NUP214: variants seen among roughly 807,000 people sequenced by gnomAD.
The protein encoded by NUP214 is nucleoporin 214.
In NUP214, 79 loss-of-function variants were observed where a neutral mutation model predicts 196.2. The observed-to-expected ratio is 0.40, with a 90% CI of 0.34 to 0.49. NUP214 has a LOEUF of 0.49. Ranked by LOEUF, NUP214 falls within the 20% of genes least tolerant of loss-of-function variation. The pLI is 0.58. For synonymous variants in NUP214, 1,020 were observed against 990.5 expected (o/e 1.03, Z -0.56); for missense variants, 2,468 against 2,539.0 (o/e 0.97, Z 0.60).
In NUP214 at chr9:131,197,763, G is replaced by A. The variant is rs752083594; in HGVS notation, c.4269G>A (p.Gly1423=). Residue 1423 remains glycine, a synonymous_variant, in exon 29 of 36, where the codon GGG becomes GGA. Coordinates refer to ENST00000359428, the MANE Select transcript of NUP214 (RefSeq NM_005085.4). ...SLPVTSAGSS[G]VISFGGTSLS... ...CAGTCACCAGTGCAGGATCCTCTGG[G>A]GTCATCAGTTTTGGTGGGACATCTC... The A allele has an allele frequency of 6.2e-7, 1 of 1,614,142 alleles. No individual in the cohort carries two copies. Among genetic ancestry groups the A allele is most frequent in the Non-Finnish European group, 8.5e-7 (1 of 1,180,034 alleles).
chr9:131,217,992 C>T (rs186772290), intron 31 of NUP214, among the ~76,000 whole-genome samples: 1 of 152,302 alleles, frequency 6.6e-6, no homozygotes, highest in East Asian at 1.9e-4. Context: ...GAAAACCCTA[C>T]AAACCAGGAC....
At chr9:131,150,982 A>G (rs184876867) in intron 16 of NUP214, among the ~76,000 whole-genome samples, 1 of 152,030 alleles carries the variant, frequency 6.6e-6, no homozygotes, top group African/African-American at 2.4e-5. Context: ...TCGTTACTCT[A>G]TTTTTCAGTT....
Position 131,178,335 on chromosome 9 carries a change from C to T in NUP214, c.3344C>T (p.Thr1115Met), listed in dbSNP as rs377273494. 1.1e-5 allele frequency: 17 copies of T among 1,613,574 alleles called. No individual in the cohort carries two copies. Among genetic ancestry groups the T allele is most frequent in the East Asian group, 2.2e-5 (1 of 44,882 alleles). Residue 1115 changes from threonine (T) to methionine (M), a missense_variant, in exon 24 of 36, where the codon ACG becomes ATG. Transcript: ENST00000359428. ...GCTGTAAACACTTTGACTGAATCAA[C>T]GTTGAAGAATGTCCCTCAAGTGGTA... ...APAVNTLTES[T>M]LKNVPQVVNV... is the part of the protein sequence containing the mutation.
At position 131,223,981 on chromosome 9, in the gene NUP214, G is replaced by A. The variant is rs1046866441; in HGVS notation, c.5902+1051G>A. 6.7e-5 allele frequency among the ~76,000 whole-genome samples: 10 copies of A among 150,034 alleles called. No individual in the cohort carries two copies. In the East Asian group the frequency reaches 7.9e-4, roughly 12 times the overall value. ...AATCTCCTGACCTCGTGATCCGCCC[G>A]CCTCGGCCTCCCAACGTGCTGGGAT... On this transcript the variant is annotated intron_variant, in intron 32 of 35. Transcript: ENST00000359428.
rs574737449 is a variant in NUP214, at chr9:131,130,271, G to A, written c.593-495G>A. Among the ~76,000 whole-genome samples the A allele has an allele frequency of 6.7e-5, 10 of 150,344 alleles. No individual in the cohort carries two copies. In the East Asian group the frequency reaches 2.0e-3, roughly 30 times the overall value. ...CAATTCTCTTGCCTCAGACTCCAGA[G>A]TAGTTGGGATTACAGGTGCCTGCCA... is the stretch of plus-strand genomic sequence containing the variant. On this transcript the variant is annotated intron_variant, in intron 4 of 35. Coordinates refer to ENST00000359428, the MANE Select transcript of NUP214 (RefSeq NM_005085.4).
chr9:131,197,943 C>A lies in NUP214; in HGVS notation c.4449C>A (p.Pro1483=). The A allele has an allele frequency of 6.2e-7, 1 of 1,614,224 alleles. No individual in the cohort carries two copies. Among genetic ancestry groups the A allele is most frequent in the Non-Finnish European group, 8.5e-7 (1 of 1,180,034 alleles). ...FGSLLSSATT[P]SLPMSAGRST... Reference sequence around the variant, plus strand: ...GCCTCCTGAGTTCAGCAACTACCCCCTCCCTGCCTATGTCCGCTGGCAGAA... The same window carrying A: ...GCCTCCTGAGTTCAGCAACTACCCCATCCCTGCCTATGTCCGCTGGCAGAA... The change falls in exon 29 of 36, where the codon CCC becomes CCA. Residue 1483 remains proline (P), a synonymous_variant. Transcript: ENST00000359428.
intron 6 of NUP214, chr9:131,132,870 G>A (rs954648178): frequency 2.3e-5 from 14 of 617,534 alleles, no homozygotes; most frequent in East Asian, 5.6e-5. Flanking sequence ...AATGGATCCC[G>A]ACTTTTTATT....
chr9:131,181,744 G>C (rs1390021675), intron 24 of NUP214, among the ~76,000 whole-genome samples: 1 of 152,134 alleles, frequency 6.6e-6, no homozygotes, highest in Non-Finnish European at 1.5e-5. Context: ...TCAAGCATAT[G>C]ATTTGCAAAT....
chr9:131,203,225 G>A (rs889679783), intron 30 of NUP214, among the ~76,000 whole-genome samples: 4 of 152,126 alleles, frequency 2.6e-5, no homozygotes, highest in African/African-American at 9.7e-5. Flanking sequence ...GATTACAGGC[G>A]TGAGCCACTG....
At chr9:131,195,359 G>A in intron 28 of NUP214, 65 bp downstream of exon 28, 6 of 1,312,670 alleles carry the variant, frequency 4.6e-6, no homozygotes, top group Non-Finnish European at 6.6e-6. Context: ...GGTTATTTTT[G>A]CCCACATGTT....
At chr9:131,182,722 T>C (rs571579788) in intron 24 of NUP214, among the ~76,000 whole-genome samples, 1 of 152,346 alleles carries the variant, frequency 6.6e-6, no homozygotes, top group Non-Finnish European at 1.5e-5. Flanking sequence ...AGTGTAATTA[T>C]TGACATGTTT....
chr9:131,173,202 G>A (rs1442501872), intron 21 of NUP214, among the ~76,000 whole-genome samples: 2 of 152,046 alleles, frequency 1.3e-5, no homozygotes, highest in Admixed American at 1.3e-4. Flanking sequence ...GAGTACAGGT[G>A]TGCACCACCA....
In NUP214 at chr9:131,198,205, A is replaced by G. The variant is rs755991337; in HGVS notation, c.4711A>G (p.Thr1571Ala). The stretch of plus-strand genomic sequence containing the variant: ...ACTTTCTGCAGAGGCTACCCCAGCC[A>G]CCACGGGGGTCCCTGATGCCAGGAC... ...VALSAEATPA[T>A]TGVPDARTEA... Residue 1571 changes from threonine (T) to alanine (A), a missense_variant, in exon 29 of 36, where the codon ACC becomes GCC. Around this residue, in one of 5 missense-constraint regions of NUP214, gnomAD observed 1,801 missense variants for 1,779.4 expected, o/e 1.01. Coordinates refer to ENST00000359428, the MANE Select transcript of NUP214 (RefSeq NM_005085.4). The G allele has an allele frequency of 6.2e-7, 1 of 1,614,206 alleles. No individual in the cohort carries two copies. The highest frequency in any genetic ancestry group is 8.5e-7 in the Non-Finnish European group (1 of 1,180,036).
intron 33 of NUP214, chr9:131,229,072 T>C (rs1025407089): frequency 6.6e-6 from 1 of 152,380 alleles, no homozygotes. Flanking sequence ...CTAAAACGCC[T>C]CTTGCCGCAG....
At chr9:131,223,727 A>ATTTATTTATTTTTTTTTTTT in intron 32 of NUP214, among the ~76,000 whole-genome samples, 2 of 15,658 alleles carry the variant, frequency 1.3e-4, no homozygotes, top group African/African-American at 3.0e-4. Context: ...TTATTTATTT[A>ATTTATTTATTTTTTTTTTTT]TTTTTTTTTT....
chr9:131,159,789 G>A (rs1276536994), intron 18 of NUP214, among the ~76,000 whole-genome samples: 2 of 151,772 alleles, frequency 1.3e-5, no homozygotes, highest in African/African-American at 2.4e-5. Flanking sequence ...CCCAGGAGGC[G>A]GAGGTTGCAG....
At chr9:131,180,521 C>T (rs1337623067) in intron 24 of NUP214, among the ~76,000 whole-genome samples, 1 of 152,092 alleles carries the variant, frequency 6.6e-6, no homozygotes, top group Non-Finnish European at 1.5e-5. Context: ...TTGCAGTTAG[C>T]TTTTTCTCAG....
rs1831327628 is a variant in NUP214 at position 131,125,754 on chromosome 9, G to A, written c.45+5G>A. 1.3e-6 allele frequency: 2 copies of A among 1,551,552 alleles called. No homozygotes were observed. The highest frequency in any genetic ancestry group is 1.7e-6 in the Non-Finnish European group (2 of 1,146,960). ...ATTCCCGAGCGGGAGATGAAGGTCA[G>A]AGACTAACCGGGGCCTCCCTCCCTT... On this transcript the variant is annotated splice_donor_5th_base_variant and intron_variant, in intron 1 of 35. Coordinates refer to ENST00000359428, the MANE Select transcript of NUP214 (RefSeq NM_005085.4). The surrounding 1 kb of genome is among the most constrained non-coding windows in gnomAD (Gnocchi z 4.1).
intron 30 of NUP214, among the ~76,000 whole-genome samples, chr9:131,211,112 G>A (rs1255893663): frequency 6.6e-6 from 1 of 152,178 alleles, no homozygotes; most frequent in African/African-American, 2.4e-5. Context: ...AGGAATTCAT[G>A]GTGAGTAGGA....
Sources: gnomAD v4.1 joint callset for allele counts (sites outside exome capture counted in the v4.1 genomes callset) on GRCh38, gnomAD v4.1.1 for gene constraint, gnomAD v4.1.1 regional missense constraint, Gnocchi (gnomAD v3.1) non-coding constraint, MANE v1.5 for transcripts, NCBI Gene and HGNC (gene_info 2026-07-23, HGNC 2026-07-21) for gene names.